Variants in CCDC149 observed in about 807,000 individuals in gnomAD.
The protein encoded by CCDC149 is coiled-coil domain-containing protein 149.
Under a neutral mutation model 59.9 loss-of-function variants are expected in CCDC149, and 45 were observed. That is an observed-to-expected ratio of 0.75 (90% CI 0.59 to 0.96). The LOEUF is 0.96. Ranked by LOEUF, CCDC149 falls within the 40% of genes least tolerant of loss-of-function variation. The pLI is 0.00. For synonymous variants in CCDC149, 245 were observed against 260.6 expected (o/e 0.94, Z 0.58); for missense variants, 584 against 664.7 (o/e 0.88, Z 1.33).
chr4:24,825,141 T>A (rs1715641896), intron 9 of CCDC149, among the ~76,000 whole-genome samples: 1 of 152,142 alleles, frequency 6.6e-6, no homozygotes, highest in African/African-American at 2.4e-5. Flanking sequence ...GAGATCCAGC[T>A]CTGTAAAGCA....
rs566798030 is a variant in CCDC149, at chr4:24,865,480, A to C, written c.264+8201T>G. Among the ~76,000 whole-genome samples, 62 of 152,342 alleles carry C rather than the reference A, an allele frequency of 4.1e-4. 1 individual carries two copies. The highest frequency in any genetic ancestry group is 1.0e-3 in the South Asian group (5 of 4,826). On this transcript the variant is annotated intron_variant, in intron 3 of 12. Transcript: ENST00000635206. ...TAGCAAGGGCCCCCTATTCACAGCA[A>C]CTGCCAAAGTGATGACCTTTGCTAT...
chr4:24,978,698 G>T (rs1327769126), intron 1 of CCDC149, among the ~76,000 whole-genome samples: 1 of 152,020 alleles, frequency 6.6e-6, no homozygotes, highest in East Asian at 1.9e-4. Context: ...CCCACCATTC[G>T]CCACCCACCG....
chr4:24,813,493 T>TATATATATATATATATATATATATAC (rs1368149472), intron 12 of CCDC149, among the ~76,000 whole-genome samples: 29 of 6,112 alleles, frequency 4.7e-3, no homozygotes, highest in African/African-American at 7.3e-3. Flanking sequence ...TTGGGGAATA[T>TATATATATATATATATATATATATAC]ATATATATAT....
chr4:24,963,318 C>T (rs1188955755), intron 1 of CCDC149, among the ~76,000 whole-genome samples: 1 of 152,060 alleles, frequency 6.6e-6, no homozygotes, highest in Non-Finnish European at 1.5e-5. Flanking sequence ...CAAAGTAGGT[C>T]GTTTTTCAAT....
Position 24,819,849 on chromosome 4 carries a change from G to A in CCDC149, c.1192+10C>T. 1.9e-6 allele frequency: 3 copies of A among 1,540,990 alleles called. No individual in the cohort carries two copies. In the East Asian group the frequency reaches 7.3e-5, roughly 38 times the overall value. On this transcript the variant is annotated intron_variant, in intron 12 of 12. Coordinates refer to ENST00000635206, the MANE Select transcript of CCDC149 (RefSeq NM_001330643.2). ...TCCAGGTAAAGATGGAGAAATCGAG[G>A]CGTGCTTACCATCCTTGGGATCTGC... is the stretch of plus-strand genomic sequence containing the variant.
chr4:24,959,504 T>C (rs1049105204), intron 1 of CCDC149, among the ~76,000 whole-genome samples: 4 of 151,332 alleles, frequency 2.6e-5, no homozygotes, highest in African/African-American at 9.7e-5. Context: ...AAAAAAAAAA[T>C]TTGAATAAAC....
chr4:24,931,749 C>G (rs1158682339), intron 1 of CCDC149, among the ~76,000 whole-genome samples: 3 of 149,994 alleles, frequency 2.0e-5, no homozygotes, highest in Non-Finnish European at 4.4e-5. Context: ...CTGGTTTCCT[C>G]TGGCTACAAA....
chr4:24,893,965 T>A (rs927016099), intron 1 of CCDC149, among the ~76,000 whole-genome samples: 1 of 152,172 alleles, frequency 6.6e-6, no homozygotes, highest in Admixed American at 6.5e-5. Flanking sequence ...GGTCCACTCA[T>A]TCACTCATTC....
At chr4:24,962,744 G>T (rs1379037750) in intron 1 of CCDC149, among the ~76,000 whole-genome samples, 1 of 151,872 alleles carries the variant, frequency 6.6e-6, no homozygotes, top group Non-Finnish European at 1.5e-5. Flanking sequence ...GGGGTGGGAG[G>T]AGGGGGGAGG....
Position 24,895,054 on chromosome 4 carries a change from T to C in CCDC149, c.63+17763A>G, listed in dbSNP as rs985804109. 38 of 1,512,436 alleles carry C rather than the reference T, an allele frequency of 2.5e-5. No homozygotes were observed. In the Admixed American group the frequency reaches 7.1e-4, roughly 28 times the overall value. The allele number at this position is 1,512,436 out of a possible 1,614,324, so 93.7% of individuals were successfully genotyped here. On this transcript the variant is annotated intron_variant, in intron 1 of 12. Coordinates refer to ENST00000635206, the MANE Select transcript of CCDC149 (RefSeq NM_001330643.2). ...ATGATGACGACGACGATGACGACCA[T>C]GATGGTGATGATGATGAGTTAATGA... is the stretch of plus-strand genomic sequence containing the variant.
rs1723762426 is a variant in CCDC149 at position 24,965,328 on chromosome 4, T to C, written c.-65+14741A>G. ...AAGAGACCTAAATGCAAGTAAATTT[T>C]CTACTCTCAGATGGGAAAACACCTA... On this transcript the variant is annotated intron_variant, in intron 1 of 12. Transcript: ENST00000389609. Among the ~76,000 whole-genome samples the C allele has an allele frequency of 2.0e-5, 3 of 151,076 alleles. No individual in the cohort carries two copies. In the South Asian group the frequency reaches 6.2e-4, roughly 31 times the overall value.
chr4:24,906,314 T>G (rs965050228), intron 1 of CCDC149, among the ~76,000 whole-genome samples: 26 of 149,950 alleles, frequency 1.7e-4, no homozygotes, highest in African/African-American at 6.1e-4. Flanking sequence ...CAGGGTGATT[T>G]GAGGGCAGCA....
intron 1 of CCDC149, among the ~76,000 whole-genome samples, chr4:24,952,627 ATAT>A (rs1488270630): frequency 2.1e-4 from 2 of 9,340 alleles, no homozygotes; most frequent in Admixed American, 2.3e-3. Flanking sequence ...AAAAAAAAAA[ATAT>A]ATATATATAT....
chr4:24,893,450 G>A (rs1262421377), intron 1 of CCDC149, among the ~76,000 whole-genome samples: 2 of 152,020 alleles, frequency 1.3e-5, no homozygotes, highest in Non-Finnish European at 2.9e-5. Context: ...ACCCAATATT[G>A]TAAGACTTGT....
intron 4 of CCDC149, among the ~76,000 whole-genome samples, chr4:24,844,459 C>T (rs1717140737): frequency 6.6e-6 from 1 of 152,058 alleles, no homozygotes; most frequent in Non-Finnish European, 1.5e-5. Flanking sequence ...GCACTGTGGC[C>T]CACTGGGAAC....
chr4:24,893,072 T>C (rs1449265600), intron 1 of CCDC149, among the ~76,000 whole-genome samples: 1 of 152,190 alleles, frequency 6.6e-6, no homozygotes, highest in African/African-American at 2.4e-5. Context: ...CCTAATGACC[T>C]CTTGAATGTG....
chr4:24,837,148 G>A lies in CCDC149; in HGVS notation c.662+80C>T. The stretch of plus-strand genomic sequence containing the variant: ...AGGCAATTTTCTCCAAAATAAATAG[G>A]GCTGCAAATAACTCCCAGCCTGCAG... On this transcript the variant is annotated intron_variant, in intron 6 of 12. Coordinates refer to ENST00000635206, the MANE Select transcript of CCDC149 (RefSeq NM_001330643.2). This position sits in a 1 kb window ranked among gnomAD's most constrained non-coding sequence, Gnocchi z 4.3. 3 of 1,345,634 alleles carry A rather than the reference G, an allele frequency of 2.2e-6. No individual in the cohort carries two copies. The highest frequency in any genetic ancestry group is 4.7e-5 in the East Asian group (2 of 42,346). The allele number at this position is 1,345,634 out of a possible 1,614,324, so 83.4% of individuals were successfully genotyped here. A position where few individuals can be genotyped will look rare whatever the true frequency, so the allele number is the denominator to read the frequency against.
intron 1 of CCDC149, among the ~76,000 whole-genome samples, chr4:24,903,024 C>CAAACAAAAA (rs1721264219): frequency 1.9e-5 from 1 of 52,508 alleles, no homozygotes; most frequent in Non-Finnish European, 3.3e-5. Context: ...GAGTCTAACT[C>CAAACAAAAA]AAAAAAAAAA....
chr4:24,976,140 C>T (rs1017391880), intron 1 of CCDC149, among the ~76,000 whole-genome samples: 1 of 152,134 alleles, frequency 6.6e-6, no homozygotes, highest in Non-Finnish European at 1.5e-5. Flanking sequence ...GTTATTTGAG[C>T]CAATAATTAC....
Sources: gnomAD v4.1 joint callset for allele counts (sites outside exome capture counted in the v4.1 genomes callset) on GRCh38, gnomAD v4.1.1 for gene constraint, Gnocchi (gnomAD v3.1) non-coding constraint, MANE v1.5 for transcripts, NCBI Gene and HGNC (gene_info 2026-07-23, HGNC 2026-07-21) for gene names.